Variants in MVB12B observed in about 807,000 individuals in gnomAD.
The protein encoded by MVB12B is ESCRT-I complex subunit MVB12B.
A neutral mutation model predicts 41.6 loss-of-function variants in MVB12B; 16 were observed. That is an observed-to-expected ratio of 0.38 (90% CI 0.26 to 0.58). The LOEUF (loss-of-function observed/expected upper bound fraction) is 0.58, where lower values mean the gene tolerates loss of function less well. Ranked by LOEUF, MVB12B falls within the 20% of genes least tolerant of loss-of-function variation. The probability of loss-of-function intolerance (pLI) is 0.62; values close to 1 mark genes in which losing one functional copy is unlikely to be tolerated. For synonymous variants in MVB12B, 133 were observed against 139.7 expected, an observed-to-expected ratio of 0.95 and a Z score of 0.34; for missense variants, 274 against 380.2, an observed-to-expected ratio of 0.72 and a Z score of 2.32.
intron 2 of MVB12B, among the ~76,000 whole-genome samples, chr9:126,351,095 T>C (rs987575352): frequency 6.6e-6 from 1 of 152,240 alleles, no homozygotes; most frequent in Non-Finnish European, 1.5e-5. Flanking sequence ...AAACAAGCTC[T>C]ATAATGTTTT....
In MVB12B at chr9:126,436,422, C is replaced by T. The variant is rs145779708; in HGVS notation, c.757+14474C>T. ...AAAAACAGATTAATTGTAGCCCTCG[C>T]AGTGGGTGGAGTTTCAAAGTCAATT... On this transcript the variant is annotated intron_variant, in intron 7 of 9. Coordinates refer to ENST00000361171, the MANE Select transcript of MVB12B (RefSeq NM_033446.3). The surrounding 1 kb of genome is among the most constrained non-coding windows in gnomAD (Gnocchi z 4.1). Among the ~76,000 whole-genome samples, 1,183 of 152,338 alleles carry T rather than the reference C, an allele frequency of 7.8e-3. 16 individuals carry two copies. The highest frequency in any genetic ancestry group is 0.027 in the Middle Eastern group (8 of 294).
At chr9:126,442,128 T>C (rs779844235) in intron 7 of MVB12B, among the ~76,000 whole-genome samples, 9 of 152,244 alleles carry the variant, frequency 5.9e-5, no homozygotes, top group Non-Finnish European at 8.8e-5. Flanking sequence ...TTTTAACAAT[T>C]CTGAATTTTG....
At chr9:126,378,081 A>G (rs763842589) in intron 2 of MVB12B, among the ~76,000 whole-genome samples, 1 of 152,204 alleles carries the variant, frequency 6.6e-6, no homozygotes, top group Non-Finnish European at 1.5e-5. Flanking sequence ...TCTGAACTCC[A>G]TGTTGCGCAT....
intron 6 of MVB12B, chr9:126,396,878 G>A (rs575026247): frequency 6.1e-6 from 6 of 985,498 alleles, no homozygotes; most frequent in Non-Finnish European, 7.2e-6. Flanking sequence ...TTGAGTCTCT[G>A]TTGGGTTCAA....
intron 3 of MVB12B, among the ~76,000 whole-genome samples, chr9:126,384,533 G>A (rs796477548): frequency 1.7e-4 from 26 of 151,558 alleles, no homozygotes; most frequent in African/African-American, 5.6e-4. Context: ...ATGTGTGTGT[G>A]TATATATATA....
rs1359676479 is a variant in MVB12B, at chr9:126,340,760, C to T, written c.204+130C>T. On this transcript the variant is annotated intron_variant, in intron 2 of 9. Transcript: ENST00000361171. This position sits in a 1 kb window ranked among gnomAD's most constrained non-coding sequence, Gnocchi z 4.0. ...CTCTAGGAACTTAATCCAGGGAGGG[C>T]GTGGAGAGCATCCTGGTTTGGGAGT... 1.6e-5 allele frequency: 18 copies of T among 1,111,860 alleles called. No individual in the cohort carries two copies. The highest frequency in any genetic ancestry group is 1.3e-4 in the South Asian group (8 of 61,424). The allele number at this position is 1,111,860 out of a possible 1,614,324, so 68.9% of individuals were successfully genotyped here. A position where few individuals can be genotyped will look rare whatever the true frequency, so the allele number is the denominator to read the frequency against.
At chr9:126,327,358 A>G (rs1564273812) in intron 1 of MVB12B, 1 of 981,894 alleles carries the variant, frequency 1.0e-6, no homozygotes, top group African/African-American at 1.7e-5. Context: ...CTGGGCACAG[A>G]CTGGGAACAG....
intron 1 of MVB12B, among the ~76,000 whole-genome samples, chr9:126,334,745 G>C (rs1400269192): frequency 6.6e-6 from 1 of 152,186 alleles, no homozygotes; most frequent in African/African-American, 2.4e-5. Context: ...GTAATCATGG[G>C]CAAGCAGGTG....
chr9:126,443,133 G>A (rs1832681392), intron 7 of MVB12B, among the ~76,000 whole-genome samples: 1 of 152,168 alleles, frequency 6.6e-6, no homozygotes, highest in South Asian at 2.1e-4. Context: ...GAGAGCTCAG[G>A]GATTTTGATG....
At chr9:126,336,753 C>CGT (rs988906877) in intron 1 of MVB12B, among the ~76,000 whole-genome samples, 7 of 41,036 alleles carry the variant, frequency 1.7e-4, no homozygotes, top group Non-Finnish European at 3.8e-4. Flanking sequence ...TGTGTGTGCA[C>CGT]GCACACACAC....
chr9:126,463,801 G>A (rs1833140014), intron 7 of MVB12B, among the ~76,000 whole-genome samples: 1 of 152,192 alleles, frequency 6.6e-6, no homozygotes, highest in African/African-American at 2.4e-5. Flanking sequence ...GTGGTACCAA[G>A]TGTCATATTT....
chr9:126,434,722 T>C (rs548854410), intron 7 of MVB12B, among the ~76,000 whole-genome samples: 1 of 152,368 alleles, frequency 6.6e-6, no homozygotes, highest in South Asian at 2.1e-4. Flanking sequence ...CCAAAGGTGG[T>C]AGTGCCTTTT....
rs1317934264 is a variant in MVB12B at position 126,505,144 on chromosome 9, C to T, written c.*1881C>T. ...ACTTTGTCCTTCACCTCTTTTCGTG[C>T]CCTGGTTGTGAGATTGCCTCTAACA... On this transcript the variant is annotated 3_prime_UTR_variant, in exon 10 of 10. Coordinates refer to ENST00000361171, the MANE Select transcript of MVB12B (RefSeq NM_033446.3). The T allele has an allele frequency of 2.0e-5, 3 of 152,286 alleles. No individual in the cohort carries two copies. The highest frequency in any genetic ancestry group is 6.5e-5 in the Admixed American group (1 of 15,290). The allele number at this position is 152,286 out of a possible 1,614,324, so 9.4% of individuals were successfully genotyped here. A position where few individuals can be genotyped will look rare whatever the true frequency, so the allele number is the denominator to read the frequency against.
intron 2 of MVB12B, among the ~76,000 whole-genome samples, chr9:126,366,958 C>T (rs536092954): frequency 6.6e-6 from 1 of 152,294 alleles, no homozygotes; most frequent in African/African-American, 2.4e-5. Flanking sequence ...TTACCACTCC[C>T]AATAGAAGAC....
intron 8 of MVB12B, 76 bp from the exon 9 acceptor site, chr9:126,483,897 A>G (rs115021512): frequency 2.0e-6 from 3 of 1,468,786 alleles, no homozygotes; most frequent in South Asian, 1.2e-5. Flanking sequence ...AGGTGTTACC[A>G]TTGTCATGCA....
At chr9:126,408,240 CG>C (rs1564314783) in intron 6 of MVB12B, 2 of 152,152 alleles carry the variant, frequency 1.3e-5, no homozygotes, top group African/African-American at 4.8e-5. Context: ...ATATGTCATC[CG>C]GCACCCGTGA....
At chr9:126,330,826 G>T (rs1396173275) in intron 1 of MVB12B, among the ~76,000 whole-genome samples, 1 of 152,042 alleles carries the variant, frequency 6.6e-6, no homozygotes, top group East Asian at 1.9e-4. Context: ...GACTACCCTA[G>T]GTAGTCAAAC....
intron 7 of MVB12B, among the ~76,000 whole-genome samples, chr9:126,455,165 ATTTTATTTTATT>A (rs1282359003): frequency 4.1e-4 from 62 of 150,150 alleles, no homozygotes; most frequent in African/African-American, 1.0e-3. Flanking sequence ...AATTTATTTT[ATTTTATTTTATT>A]TTTTATTTTA....
At chr9:126,336,394 T>C (rs925122496) in intron 1 of MVB12B, among the ~76,000 whole-genome samples, 3 of 152,254 alleles carry the variant, frequency 2.0e-5, no homozygotes, top group African/African-American at 7.2e-5. Flanking sequence ...CCAGCACTGC[T>C]GACTTTCAGG....
Sources: allele counts gnomAD v4.1 joint callset (sites outside exome capture counted in the v4.1 genomes callset), GRCh38; gene constraint gnomAD v4.1.1; non-coding constraint Gnocchi (gnomAD v3.1); transcripts MANE v1.5; gene names NCBI Gene and HGNC (gene_info 2026-07-23, HGNC 2026-07-21).